The following PREX1 variants were observed in gnomAD, a reference collection of about 807,000 sequenced individuals.
PREX1 encodes phosphatidylinositol 3,4,5-trisphosphate-dependent Rac exchanger 1 protein.
Under a neutral mutation model 198.3 loss-of-function variants are expected in PREX1, and 41 were observed. The observed-to-expected ratio is 0.21, with a 90% CI of 0.16 to 0.27. PREX1 has a LOEUF of 0.27. Among genes scored for constraint, PREX1 ranks in the 10% least tolerant of loss-of-function variants. The probability of loss-of-function intolerance (pLI) is 1.00; values close to 1 mark genes in which losing one functional copy is unlikely to be tolerated. For missense variants in PREX1, 1,620 were observed against 2,200.7 expected, an observed-to-expected ratio of 0.74 and a Z score of 5.28; for synonymous variants, 843 against 887.2, an observed-to-expected ratio of 0.95 and a Z score of 0.89.
chr20:48,644,223 C>T (rs2089434924), intron 27 of PREX1, among the ~76,000 whole-genome samples, 186 bp downstream of exon 27: 1 of 152,146 alleles, frequency 6.6e-6, no homozygotes, highest in Non-Finnish European at 1.5e-5. Flanking sequence ...TTCCCAGTGC[C>T]CAGCACATAA....
At chr20:48,833,371 C>T in the PREX1 span, among the ~76,000 whole-genome samples, 1 of 151,952 alleles carries the variant, frequency 6.6e-6, no homozygotes, top group African/African-American at 2.4e-5. Flanking sequence ...TGCCTCTAGA[C>T]TTCTTGTATT....
chr20:48,729,814 G>A (rs1440533506), intron 4 of PREX1, among the ~76,000 whole-genome samples: 1 of 152,144 alleles, frequency 6.6e-6, no homozygotes, highest in Non-Finnish European at 1.5e-5. Context: ...AAAATGCCAG[G>A]CCCCCACAAA....
chr20:48,742,195 G>C (rs1163512144), intron 3 of PREX1, among the ~76,000 whole-genome samples: 2 of 152,302 alleles, frequency 1.3e-5, no homozygotes, highest in African/African-American at 2.4e-5. Flanking sequence ...CCTGGAATGG[G>C]GCTCAGTGAT....
At chr20:48,677,334 G>A (rs1005778769) in intron 13 of PREX1, among the ~76,000 whole-genome samples, 4 of 152,114 alleles carry the variant, frequency 2.6e-5, no homozygotes, top group Non-Finnish European at 5.9e-5. Flanking sequence ...CTAGGAAATG[G>A]TCCTTCCTCT....
At chr20:48,629,318 C>G in intron 37 of PREX1, 131 bp downstream of exon 37, 1 of 1,270,814 alleles carries the variant, frequency 7.9e-7, no homozygotes, top group African/African-American at 1.5e-5. Context: ...CAGACAGAGC[C>G]AAGGCTCTAC....
At chr20:48,849,480 G>C in the PREX1 span, 2 of 152,214 alleles carry the variant, frequency 1.3e-5, no homozygotes, top group Non-Finnish European at 1.5e-5. Flanking sequence ...TGTTAGCTCA[G>C]CTGGGGCAGG....
intron 1 of PREX1, among the ~76,000 whole-genome samples, chr20:48,763,483 G>A (rs1200508035): frequency 6.6e-6 from 1 of 152,224 alleles, no homozygotes; most frequent in Non-Finnish European, 1.5e-5. Flanking sequence ...AGGACAATGA[G>A]TGGAATGCGG....
the PREX1 span, among the ~76,000 whole-genome samples, chr20:48,835,845 G>A: frequency 6.6e-6 from 1 of 152,218 alleles, no homozygotes; most frequent in African/African-American, 2.4e-5. Flanking sequence ...AGAGCAGGGT[G>A]AGGTCAGAAG....
In PREX1 at chr20:48,684,788, AT is replaced by A. The variant is rs2089774678; in HGVS notation, c.1335-3454del. Among the ~76,000 whole-genome samples the A allele has an allele frequency of 6.6e-6, 1 of 152,108 alleles. No individual in the cohort carries two copies. Among genetic ancestry groups the A allele is most frequent in the African/African-American group, 2.4e-5 (1 of 41,412 alleles). On this transcript the variant is annotated intron_variant, in intron 10 of 39. Coordinates refer to ENST00000371941, the MANE Select transcript of PREX1 (RefSeq NM_020820.4). The surrounding 1 kb of genome is among the most constrained non-coding windows in gnomAD (Gnocchi z 4.2). ...GACCCACTTTAACTGCTGAGGCCAC[AT>A]CTCCTGCCCCTCTGACCACTCAGGC...
chr20:48,820,783 A>C lies in PREX1; in HGVS notation c.219+6859T>G, dbSNP rs559410538. 2.0e-5 allele frequency among the ~76,000 whole-genome samples: 3 copies of C among 152,322 alleles called. No homozygotes were observed. In the South Asian group the frequency reaches 6.2e-4, roughly 32 times the overall value. ...TGCTAAACATCTTACAATGCACAGG[A>C]CAGCACCCCCACAGCAAAGAATGGT... On this transcript the variant is annotated intron_variant, in intron 1 of 39. Transcript: ENST00000371941.
At chr20:48,692,834 C>T in intron 7 of PREX1, 44 bp from the exon 8 acceptor site, 1 of 1,510,918 alleles carries the variant, frequency 6.6e-7, no homozygotes, top group Non-Finnish European at 9.2e-7. Flanking sequence ...CGTCACCTCC[C>T]AGATGCAACT....
intron 10 of PREX1, among the ~76,000 whole-genome samples, chr20:48,685,684 T>C (rs896903521): frequency 3.3e-5 from 5 of 151,950 alleles, no homozygotes. Flanking sequence ...CCCAGCACCT[T>C]GGGAAGCCAA....
chr20:48,798,454 C>T lies in PREX1; in HGVS notation c.219+29188G>A, dbSNP rs562698551. Among the ~76,000 whole-genome samples, 3 of 152,354 alleles carry T rather than the reference C, an allele frequency of 2.0e-5. No individual in the cohort carries two copies. In the East Asian group the frequency reaches 5.8e-4, roughly 29 times the overall value. ...AAGCCCTCCCCGGCAGGCTGCCACA[C>T]TGGGAGGAAATCCCTGCTCCTCACC... On this transcript the variant is annotated intron_variant, in intron 1 of 39. Transcript: ENST00000371941.
At chr20:48,785,027 C>G (rs1168074454) in intron 1 of PREX1, among the ~76,000 whole-genome samples, 2 of 151,996 alleles carry the variant, frequency 1.3e-5, no homozygotes, top group African/African-American at 2.4e-5. Flanking sequence ...GATTCTCCTA[C>G]CTAAGCCTCC....
intron 7 of PREX1, among the ~76,000 whole-genome samples, chr20:48,699,398 C>T (rs532713024): frequency 6.6e-6 from 1 of 152,232 alleles, no homozygotes; most frequent in South Asian, 2.1e-4. Context: ...CATCCTATAC[C>T]TGCTGAACAT....
At chr20:48,852,733 A>G in the PREX1 span, among the ~76,000 whole-genome samples, 2 of 152,248 alleles carry the variant, frequency 1.3e-5, no homozygotes, top group African/African-American at 4.8e-5. Flanking sequence ...GTATCATAGT[A>G]TGTAATTGCA....
chr20:48,650,276 ACC>A (rs1479074891), intron 23 of PREX1, 70 bp from the exon 24 acceptor site: 2 of 1,459,802 alleles, frequency 1.4e-6, no homozygotes, highest in African/African-American at 2.8e-5. Context: ...CATACCCAGT[ACC>A]CACTTTATCC....
intron 3 of PREX1, among the ~76,000 whole-genome samples, chr20:48,744,408 C>T (rs78735529): frequency 6.6e-6 from 1 of 152,302 alleles, no homozygotes; most frequent in Non-Finnish European, 1.5e-5. Flanking sequence ...GCTCACATCT[C>T]GTGCCCGTGA....
intron 35 of PREX1, among the ~76,000 whole-genome samples, chr20:48,631,195 A>G (rs1001450720): frequency 6.6e-6 from 1 of 152,194 alleles, no homozygotes; most frequent in Non-Finnish European, 1.5e-5. Context: ...GAAGAGCCCA[A>G]CGGTAAACAT....
Sources: allele counts gnomAD v4.1 joint callset (sites outside exome capture counted in the v4.1 genomes callset), GRCh38; gene constraint gnomAD v4.1.1; non-coding constraint Gnocchi (gnomAD v3.1); transcripts MANE v1.5; gene names NCBI Gene and HGNC (gene_info 2026-07-23, HGNC 2026-07-21).